Variants in MUC4 observed in about 807,000 individuals in gnomAD.
MUC4 encodes mucin 4, cell surface associated, also known as mucin-4.
A neutral mutation model predicts 257.9 loss-of-function variants in MUC4; 202 were observed. That is an observed-to-expected ratio of 0.78 (90% CI 0.70 to 0.88). MUC4 has a LOEUF of 0.88. Among genes scored for constraint, MUC4 ranks in the 40% least tolerant of loss-of-function variants. MUC4 has a pLI of 0.00. For synonymous variants in MUC4, 2,351 were observed against 2,757.1 expected, an observed-to-expected ratio of 0.85 and a Z score of 4.62; for missense variants, 5,976 against 6,513.7, an observed-to-expected ratio of 0.92 and a Z score of 2.84.
intron 4 of MUC4, 80 bp from the exon 5 acceptor site, chr3:195,771,896 A>G: frequency 6.7e-7 from 1 of 1,487,678 alleles, no homozygotes; most frequent in Non-Finnish European, 9.3e-7. Context: ...GCTCCTCAAA[A>G]GCGTGACCCC....
intron 7 of MUC4, among the ~76,000 whole-genome samples, chr3:195,767,751 CCACCACCATCACCACCACCACCACCAT>C: frequency 1.1e-5 from 1 of 88,250 alleles, no homozygotes; most frequent in African/African-American, 5.2e-5. Flanking sequence ...ACCATCGCCA[CCACCACCATCACCACCACCACCACCAT>C]CACCACCATC....
chr3:195,788,716 T>C lies in MUC4; in HGVS notation c.2864A>G (p.His955Arg), dbSNP rs1281624729. The C allele has an allele frequency of 1.2e-6, 2 of 1,612,650 alleles. No individual in the cohort carries two copies. Among genetic ancestry groups the C allele is most frequent in the East Asian group, 4.5e-5 (2 of 44,882 alleles). The change falls in exon 2 of 25, where the codon CAC (histidine) becomes CGC (arginine). Residue 955 changes from histidine (H) to arginine (R), a missense_variant. This residue lies in a region of MUC4 where 1,583 missense variants were observed against 1,257.4 expected (regional missense o/e 1.26). Transcript: ENST00000463781. ...ACCAGACCCTGAAGGTGACAGAGTG[T>C]GGGTCTCGGTTTGTGGAGATGTAAG... ...TGLTSPQTET[H>R]TLSPSGSGKT...
At chr3:195,799,607 A>G (rs899088680) in intron 1 of MUC4, among the ~76,000 whole-genome samples, 1 of 152,192 alleles carries the variant, frequency 6.6e-6, no homozygotes, top group African/African-American at 2.4e-5. Flanking sequence ...CGGCCTAAAC[A>G]CTAAATAATA....
chr3:195,803,372 T>C (rs191518905), intron 1 of MUC4, among the ~76,000 whole-genome samples: 43 of 152,314 alleles, frequency 2.8e-4, no homozygotes, highest in Non-Finnish European at 3.7e-4. Context: ...CCTTTACTAG[T>C]TTTGGTTAAT....
chr3:195,795,850 G>GA (rs1390131810), intron 1 of MUC4, among the ~76,000 whole-genome samples: 1 of 126,690 alleles, frequency 7.9e-6, no homozygotes, highest in African/African-American at 3.2e-5. Context: ...TGGGGGAGGG[G>GA]GGTGGGAGGA....
chr3:195,782,999 G>T lies in MUC4; in HGVS notation c.8581C>A (p.His2861Asn), dbSNP rs1172794480. The T allele has an allele frequency of 6.7e-7, 1 of 1,500,628 alleles. No individual in the cohort carries two copies. Among genetic ancestry groups the T allele is most frequent in the Non-Finnish European group, 9.0e-7 (1 of 1,117,158 alleles). The allele number at this position is 1,500,628 out of a possible 1,614,324, so 93.0% of individuals were successfully genotyped here. Residue 2861 changes from histidine to asparagine, a missense_variant, in exon 2 of 25, where the codon CAC becomes AAC. Physicochemically the swap from His to Asn is moderately conservative, Grantham distance 68. Transcript: ENST00000463781. ...TCGGTGACAGGAAGAGAGGTGGCGT[G>T]ACCTGTGGACACTGAGGAAGCGTCG... The part of the protein sequence containing the change: ...VTDASSVSTG[H>N]ATSLPVTDAS...
chr3:195,761,804 G>A (rs1176705798), intron 14 of MUC4, among the ~76,000 whole-genome samples: 4 of 152,178 alleles, frequency 2.6e-5, no homozygotes, highest in African/African-American at 7.2e-5. Flanking sequence ...GGAGGAGGGC[G>A]GGAGGATGTG....
At position 195,778,939 on chromosome 3, in the gene MUC4, GTGTC is replaced by G. The variant is rs1725765381; in HGVS notation, c.12637_12640del (p.Asp4213LeufsTer45). 1 of 1,506,878 alleles carries G rather than the reference GTGTC, an allele frequency of 6.6e-7. No homozygotes were observed. Among genetic ancestry groups the G allele is most frequent in the African/African-American group, 1.4e-5 (1 of 70,398 alleles). 93.3% of individuals were successfully genotyped at this position (1,506,878 alleles called of 1,614,324 possible). ...GGCGTGACCTGTGGATGCTGAGGAA[GTGTC>G]GGTGACAGGAAGAGGGGTGGCGTGA... On this transcript the variant is annotated frameshift_variant, in exon 2 of 25. Transcript: ENST00000463781. LOFTEE classifies it high-confidence loss of function.
At chr3:195,747,509 G>GAGAC in intron 24 of MUC4, 129 bp from the exon 25 acceptor site, 1 of 1,136,294 alleles carries the variant, frequency 8.8e-7, no homozygotes. Flanking sequence ...GAGAGACTGA[G>GAGAC]TCAGCCCTGA....
At chr3:195,799,260 T>TGTGTGTGTGTGAGTGAGA (rs1553889795) in intron 1 of MUC4, among the ~76,000 whole-genome samples, 1 of 149,116 alleles carries the variant, frequency 6.7e-6, no homozygotes, top group Non-Finnish European at 1.5e-5. Flanking sequence ...TGTGTGTGTG[T>TGTGTGTGTGTGAGTGAGA]GACACTGTGT....
At chr3:195,795,817 A>T (rs1267827211) in intron 1 of MUC4, among the ~76,000 whole-genome samples, 1 of 125,878 alleles carries the variant, frequency 7.9e-6, no homozygotes, top group Non-Finnish European at 1.6e-5. Context: ...AAATAAAACA[A>T]ATACCTGGCA....
Position 195,749,042 on chromosome 3 carries a change from A to G in MUC4, c.15894T>C (p.Ala5298=). The change falls in exon 24 of 25, where the codon GCT becomes GCC. Residue 5298 remains alanine (A), a synonymous_variant. Coordinates refer to ENST00000463781, the MANE Select transcript of MUC4 (RefSeq NM_018406.7). Reference sequence around the variant, plus strand: ...CCTTGTAGCCATCGCATCTGAAGTAAGCCTTCAGCGTGCTCACGTTCACTG... The same window carrying G: ...CCTTGTAGCCATCGCATCTGAAGTAGGCCTTCAGCGTGCTCACGTTCACTG... ...VTALNVSTLK[A]YFRCDGYKGY... 6.2e-7 allele frequency: 1 copy of G among 1,606,746 alleles called. No individual in the cohort carries two copies. Among genetic ancestry groups the G allele is most frequent in the Non-Finnish European group, 8.5e-7 (1 of 1,175,642 alleles).
At chr3:195,771,066 TGGTCAGTCTCGTGGCC>T (rs1722742515) in intron 5 of MUC4, among the ~76,000 whole-genome samples, 35 of 139,990 alleles carry the variant, frequency 2.5e-4, no homozygotes, top group East Asian at 7.1e-4. Flanking sequence ...GGGGTATTCC[TGGTCAGTCTCGTGGCC>T]GGGTTGGGGT....
chr3:195,779,929 C>T lies in MUC4; in HGVS notation c.11651G>A (p.Gly3884Asp), dbSNP rs564648562. ...PVTGLSSASTGDTTPLPVTDT... is the reference protein window; with the variant it reads ...PVTGLSSASTDDTTPLPVTDT... ...GGTGACAGGAAGAGGGGTGGTGTCA[C>T]CTGTGGAAGCTGAGGAAAGGCCGGT... The change falls in exon 2 of 25, where the codon GGT becomes GAT. Residue 3884 changes from glycine to aspartate, a missense_variant. By Grantham distance (94) the Gly-to-Asp change is moderately conservative. Coordinates refer to ENST00000463781, the MANE Select transcript of MUC4 (RefSeq NM_018406.7). The T allele has an allele frequency of 1.7e-4, 251 of 1,444,138 alleles. 46 individuals are homozygous for T. The African/African-American group carries it at 2.0e-3, about 12-fold the overall frequency. The allele number at this position is 1,444,138 out of a possible 1,614,324, so 89.5% of individuals were successfully genotyped here.
chr3:195,783,155 C>G lies in MUC4; in HGVS notation c.8425G>C (p.Val2809Leu). 2.2e-6 allele frequency: 3 copies of G among 1,365,080 alleles called. No homozygotes were observed. The highest frequency in any genetic ancestry group is 3.0e-6 in the Non-Finnish European group (3 of 1,013,900). 84.6% of individuals were successfully genotyped at this position (1,365,080 alleles called of 1,614,324 possible). A position where few individuals can be genotyped will look rare whatever the true frequency, so the allele number is the denominator to read the frequency against. Reference sequence around the variant, plus strand: ...AGAGAGGTGGCGTGACCTGTGGACACTGACGAAGCGTCGGTGACAGGAAGA... The same window carrying G: ...AGAGAGGTGGCGTGACCTGTGGACAGTGACGAAGCGTCGGTGACAGGAAGA... Reference protein sequence around the residue: ...TPLPVTDASSVSTGHATSLPV... With the variant: ...TPLPVTDASSLSTGHATSLPV... The change falls in exon 2 of 25, where the codon GTG becomes CTG. Residue 2809 changes from valine (V) to leucine (L), a missense_variant. Val to Leu is a conservative substitution (Grantham distance 32). This residue lies in a region of MUC4 where 228 missense variants were observed against 206.3 expected (regional missense o/e 1.11). Transcript: ENST00000463781.
chr3:195,761,256 C>T (rs1718832637), intron 15 of MUC4, 139 bp from the exon 16 acceptor site: 1 of 797,200 alleles, frequency 1.3e-6, no homozygotes, highest in Non-Finnish European at 2.0e-6. Flanking sequence ...GCTTCTGAGT[C>T]TAGAAACACC....
rs1560348451 is a variant in MUC4 at position 195,783,896 on chromosome 3, GAA to G, written c.7682_7683del (p.Leu2561ProfsTer28). ...GATGCTGCGGAAGTGTCGGTGACAG[GAA>G]GAGAGGTGGCGTGACCTGTGGATGC... The part of the protein sequence containing the change: ...SSASTGHATS[L>X]PVTDTSAAST... On this transcript the variant is annotated frameshift_variant, in exon 2 of 25. Coordinates refer to ENST00000463781, the MANE Select transcript of MUC4 (RefSeq NM_018406.7). LOFTEE classifies it high-confidence loss of function. 2 of 1,342,512 alleles carry G rather than the reference GAA, an allele frequency of 1.5e-6. No individual in the cohort carries two copies. Among genetic ancestry groups the G allele is most frequent in the Admixed American group, 4.5e-5 (2 of 44,100 alleles). The allele number at this position is 1,342,512 out of a possible 1,614,324, so 83.2% of individuals were successfully genotyped here.
chr3:195,752,842 A>G (rs1716746456), intron 20 of MUC4, among the ~76,000 whole-genome samples: 1 of 152,164 alleles, frequency 6.6e-6, no homozygotes, highest in South Asian at 2.1e-4. Flanking sequence ...TCCTTCCTCC[A>G]TAGGCCACAC....
chr3:195,760,899 C>T lies in MUC4; in HGVS notation c.14833G>A (p.Ala4945Thr). ...GGCCACTTACTGAGGGTGGCGTTCG[C>T]CTGCTCGTAGTTTTTACTGACTTCC... ...TREVSKNYEQ[A>T]NATLNQYPPS... is the part of the protein sequence containing the mutation. The change falls in exon 16 of 25, where the codon GCG becomes ACG. Residue 4945 changes from alanine to threonine, a missense_variant. Ala to Thr is a moderately conservative substitution (Grantham distance 58, BLOSUM62 0). Around this residue, in one of 44 missense-constraint regions of MUC4, gnomAD observed 996 missense variants for 1,137.3 expected, o/e 0.88. Coordinates refer to ENST00000463781, the MANE Select transcript of MUC4 (RefSeq NM_018406.7). 2.5e-6 allele frequency: 4 copies of T among 1,614,124 alleles called. No individual in the cohort carries two copies. Among genetic ancestry groups the T allele is most frequent in the Non-Finnish European group, 3.4e-6 (4 of 1,180,032 alleles).
Sources: gnomAD v4.1 joint callset for allele counts (sites outside exome capture counted in the v4.1 genomes callset) on GRCh38, gnomAD v4.1.1 for gene constraint, gnomAD v4.1.1 regional missense constraint, MANE v1.5 for transcripts, NCBI Gene and HGNC (gene_info 2026-07-23, HGNC 2026-07-21) for gene names.